Variants in WIPF3 observed in about 807,000 individuals in gnomAD.
WIPF3 encodes WAS/WASL-interacting protein family member 3.
Under a neutral mutation model 38.9 loss-of-function variants are expected in WIPF3, and 33 were observed. That is an observed-to-expected ratio of 0.85 (90% CI 0.64 to 1.14). The LOEUF is 1.14. WIPF3 is among the 50% of genes most tolerant of loss of function. WIPF3 has a pLI of 0.00. For synonymous variants in WIPF3, 324 were observed against 269.3 expected (o/e 1.20, Z -1.99); for missense variants, 711 against 652.5 (o/e 1.09, Z -0.98).
chr7:29,882,063 G>A (rs1035771004), intron 4 of WIPF3, among the ~76,000 whole-genome samples: 5 of 152,152 alleles, frequency 3.3e-5, no homozygotes, highest in African/African-American at 1.2e-4. Flanking sequence ...GGGCATGCCC[G>A]CCCTCGCTTC....
chr7:29,859,869 T>A (rs1434635871), intron 2 of WIPF3, among the ~76,000 whole-genome samples: 2 of 152,212 alleles, frequency 1.3e-5, no homozygotes, highest in Non-Finnish European at 2.9e-5. Flanking sequence ...TGAGAGAGCC[T>A]TCATAGCTGG....
rs60536023 is a variant in WIPF3 at position 29,860,194 on chromosome 7, C to T, written c.91-15636C>T. 9.1e-3 allele frequency among the ~76,000 whole-genome samples: 1,383 copies of T among 152,278 alleles called. 22 individuals are homozygous for T. The highest frequency in any genetic ancestry group is 0.032 in the African/African-American group (1,330 of 41,536). ...GGAAAAGTTTTGAAAGCAAGAGTCC[C>T]ATTAGAAGACCATTTAAATCCATGA... On this transcript the variant is annotated intron_variant, in intron 2 of 8. Transcript: ENST00000242140.
intron 5 of WIPF3, 102 bp downstream of exon 5, chr7:29,884,695 C>A: frequency 7.0e-7 from 1 of 1,432,740 alleles, no homozygotes; most frequent in Non-Finnish European, 9.2e-7. Flanking sequence ...GAGATGGACA[C>A]CAGGGGTGAG....
chr7:29,819,194 T>C (rs1784500652), intron 1 of WIPF3, among the ~76,000 whole-genome samples: 2 of 152,146 alleles, frequency 1.3e-5, no homozygotes, highest in Admixed American at 1.3e-4. Context: ...TTGACAACTT[T>C]CACTATTTCT....
At chr7:29,910,182 T>G (rs942545813) in intron 8 of WIPF3, among the ~76,000 whole-genome samples, 3 of 151,964 alleles carry the variant, frequency 2.0e-5, no homozygotes, top group Non-Finnish European at 4.4e-5. Flanking sequence ...TATCAAAACA[T>G]CTCATGTACC....
intron 1 of WIPF3, among the ~76,000 whole-genome samples, chr7:29,808,938 G>A (rs1784329946): frequency 2.0e-5 from 3 of 152,152 alleles, no homozygotes; most frequent in African/African-American, 7.2e-5. Context: ...ATTTTCACCA[G>A]GATGGCAGTC....
chr7:29,819,523 A>G (rs901146561), intron 1 of WIPF3, among the ~76,000 whole-genome samples: 2 of 151,984 alleles, frequency 1.3e-5, no homozygotes, highest in Non-Finnish European at 2.9e-5. Context: ...ATTCCTAAAT[A>G]TCTGGTTTCA....
chr7:29,864,840 C>T (rs1305651426), intron 2 of WIPF3, among the ~76,000 whole-genome samples: 1 of 152,148 alleles, frequency 6.6e-6, no homozygotes, highest in Non-Finnish European at 1.5e-5. Flanking sequence ...GTGTTCCATT[C>T]TTTTCTAATT....
chr7:29,876,038 G>A, intron 3 of WIPF3, 76 bp downstream of exon 3: 6 of 1,565,406 alleles, frequency 3.8e-6, no homozygotes, highest in Non-Finnish European at 5.2e-6. Context: ...AGACACCCCT[G>A]GCTGGGGCCA....
intron 5 of WIPF3, 145 bp downstream of exon 5, chr7:29,884,738 C>A: frequency 7.8e-7 from 1 of 1,288,874 alleles, no homozygotes; most frequent in Non-Finnish European, 1.0e-6. Context: ...AATCATGCTG[C>A]ATGTAAGCAA....
At chr7:29,888,018 T>C (rs1162898437) in intron 5 of WIPF3, 50 bp from the exon 6 acceptor site, 1 of 1,610,500 alleles carries the variant, frequency 6.2e-7, no homozygotes, top group Non-Finnish European at 8.5e-7. Flanking sequence ...GGTTATAGCA[T>C]CCACCATTCC....
Position 29,879,138 on chromosome 7 carries a change from C to T in WIPF3, c.353C>T (p.Ala118Val). ...CGACCAGCAGGCCAGCGGGATGTAG[C>T]AGGTAAGGAAGAATTCATTCTGGCT... is the stretch of plus-strand genomic sequence containing the variant. ...VLRPAGQRDV[A>V]GGKTGQGPGS... Residue 118 changes from alanine (A) to valine (V), a missense_variant and splice_region_variant, in exon 4 of 9, where the codon GCA (alanine) becomes GTA (valine). Physicochemically the swap from Ala to Val is moderately conservative, Grantham distance 64. Coordinates refer to ENST00000242140, the MANE Select transcript of WIPF3 (RefSeq NM_001080529.3). The T allele has an allele frequency of 6.2e-7, 1 of 1,610,546 alleles. No homozygotes were observed. Among genetic ancestry groups the T allele is most frequent in the Non-Finnish European group, 8.5e-7 (1 of 1,178,124 alleles).
chr7:29,863,154 T>A (rs1258226880), intron 2 of WIPF3, among the ~76,000 whole-genome samples: 1 of 152,224 alleles, frequency 6.6e-6, no homozygotes, highest in Non-Finnish European at 1.5e-5. Flanking sequence ...TAGATTTATG[T>A]AACTACCACC....
intron 2 of WIPF3, among the ~76,000 whole-genome samples, chr7:29,860,820 A>G (rs1236443025): frequency 6.6e-6 from 1 of 152,176 alleles, no homozygotes; most frequent in Non-Finnish European, 1.5e-5. Flanking sequence ...CAAATTATTG[A>G]TACAGGGAAT....
intron 1 of WIPF3, among the ~76,000 whole-genome samples, chr7:29,811,945 G>A (rs1300876015): frequency 6.6e-6 from 1 of 152,156 alleles, no homozygotes; most frequent in Non-Finnish European, 1.5e-5. Context: ...TCATCTTTAA[G>A]AACTTTGGCT....
intron 1 of WIPF3, among the ~76,000 whole-genome samples, chr7:29,821,037 C>A (rs919444126): frequency 6.6e-6 from 1 of 152,146 alleles, no homozygotes; most frequent in African/African-American, 2.4e-5. Context: ...ATTTCTTTGT[C>A]CCCACTTTCT....
intron 4 of WIPF3, among the ~76,000 whole-genome samples, chr7:29,882,485 G>A (rs1402090054): frequency 6.6e-6 from 1 of 152,190 alleles, no homozygotes; most frequent in Non-Finnish European, 1.5e-5. Flanking sequence ...TATGGTCTAG[G>A]TGACTGTCAC....
At chr7:29,876,872 A>C (rs1260790118) in intron 3 of WIPF3, among the ~76,000 whole-genome samples, 1 of 152,170 alleles carries the variant, frequency 6.6e-6, no homozygotes, top group Non-Finnish European at 1.5e-5. Context: ...CTGCAACCAG[A>C]CAAATCGGGG....
At chr7:29,848,216 C>T (rs1487630961) in intron 2 of WIPF3, among the ~76,000 whole-genome samples, 1 of 152,176 alleles carries the variant, frequency 6.6e-6, no homozygotes, top group African/African-American at 2.4e-5. Context: ...ACTGCTAAAG[C>T]TAGCAACAAA....
Sources: allele counts gnomAD v4.1 joint callset (sites outside exome capture counted in the v4.1 genomes callset), GRCh38; gene constraint gnomAD v4.1.1; transcripts MANE v1.5; gene names NCBI Gene and HGNC (gene_info 2026-07-23, HGNC 2026-07-21).